Variants in KIF21A observed in about 807,000 individuals in gnomAD.
The protein encoded by KIF21A is kinesin-like protein KIF21A.
KIF21A carries 114 observed loss-of-function variants against 202.9 expected under a neutral mutation model. The observed-to-expected ratio is 0.56, with a 90% CI of 0.48 to 0.66. KIF21A has a LOEUF of 0.66. Among genes scored for constraint, KIF21A ranks in the 30% least tolerant of loss-of-function variants. The pLI is 0.00. For missense variants in KIF21A, 1,677 were observed against 1,994.9 expected (o/e 0.84, Z 3.04); for synonymous variants, 667 against 670.8 (o/e 0.99, Z 0.09).
intron 16 of KIF21A, among the ~76,000 whole-genome samples, chr12:39,337,854 T>C (rs1407947296): frequency 6.6e-6 from 1 of 152,190 alleles, no homozygotes; most frequent in Non-Finnish European, 1.5e-5. Flanking sequence ...CTACACCCGT[T>C]TGCAGTAGTG....
In KIF21A at chr12:39,354,013, T is replaced by C. The variant is rs1406140051; in HGVS notation, c.1470-2033A>G. Among the ~76,000 whole-genome samples, 4 of 152,144 alleles carry C rather than the reference T, an allele frequency of 2.6e-5. No homozygotes were observed. In the East Asian group the frequency reaches 7.7e-4, roughly 29 times the overall value. On this transcript the variant is annotated intron_variant, in intron 10 of 37. Coordinates refer to ENST00000361418, the MANE Select transcript of KIF21A (RefSeq NM_001173464.2). The stretch of plus-strand genomic sequence containing the variant: ...GGGCTTGCATGCCAGCTGTCATTCA[T>C]TGGATCTTGGACCATCAAGTCTCTA...
intron 11 of KIF21A, among the ~76,000 whole-genome samples, chr12:39,351,086 A>T (rs1272871729): frequency 6.6e-6 from 1 of 152,108 alleles, no homozygotes; most frequent in Admixed American, 6.6e-5. Context: ...TAAAGAATTT[A>T]TGAGAATTTA....
chr12:39,332,688 C>T lies in KIF21A; in HGVS notation c.2759G>A (p.Arg920His), dbSNP rs747284586. The part of the protein sequence containing the change: ...TGRVFISKTA[R>H]MKWQLLERRV... The stretch of plus-strand genomic sequence containing the variant: ...GCGCTCAAGGAGCTGCCACTTCATG[C>T]GAGCTGTCTTGGAAATAAACACTCG... Residue 920 changes from arginine (R) to histidine (H), a missense_variant, in exon 20 of 38, where the codon CGC becomes CAC. Physicochemically the swap from Arg to His is conservative, Grantham distance 29. Transcript: ENST00000361418. 26 of 1,613,842 alleles carry T rather than the reference C, an allele frequency of 1.6e-5. No homozygotes were observed. In the East Asian group the frequency reaches 2.2e-4, roughly 14 times the overall value.
At chr12:39,396,257 T>C (rs974616355) in intron 1 of KIF21A, among the ~76,000 whole-genome samples, 3 of 152,166 alleles carry the variant, frequency 2.0e-5, no homozygotes, top group African/African-American at 7.2e-5. Flanking sequence ...TGCTTTTTGG[T>C]TTGCTGGCTC....
chr12:39,382,653 T>C (rs751426302), intron 1 of KIF21A, among the ~76,000 whole-genome samples: 10 of 152,180 alleles, frequency 6.6e-5, no homozygotes, highest in Non-Finnish European at 1.0e-4. Flanking sequence ...TCTGATATCT[T>C]ACTGTCATGC....
At chr12:39,418,468 T>C (rs1953967881) in intron 1 of KIF21A, among the ~76,000 whole-genome samples, 1 of 152,230 alleles carries the variant, frequency 6.6e-6, no homozygotes, top group Admixed American at 6.5e-5. Context: ...CTTCCTAGAA[T>C]TTTCTGAGTT....
At chr12:39,380,613 C>T (rs892041702) in intron 1 of KIF21A, among the ~76,000 whole-genome samples, 1 of 151,900 alleles carries the variant, frequency 6.6e-6, no homozygotes, top group Non-Finnish European at 1.5e-5. Context: ...CCCAGCTACT[C>T]AGGAGGCTGA....
At chr12:39,415,502 C>G (rs2140120292) in intron 1 of KIF21A, among the ~76,000 whole-genome samples, 1 of 152,224 alleles carries the variant, frequency 6.6e-6, no homozygotes, top group South Asian at 2.1e-4. Flanking sequence ...GGCCTCCCAG[C>G]AGCCTCGGCC....
At chr12:39,402,781 A>T (rs916818262) in intron 1 of KIF21A, among the ~76,000 whole-genome samples, 12 of 152,160 alleles carry the variant, frequency 7.9e-5, no homozygotes, top group Non-Finnish European at 1.5e-4. Context: ...AACTATCATT[A>T]GTGTTAGCGT....
At chr12:39,367,474 G>A (rs559329133) in intron 4 of KIF21A, among the ~76,000 whole-genome samples, 3 of 152,194 alleles carry the variant, frequency 2.0e-5, no homozygotes, top group Non-Finnish European at 4.4e-5. Flanking sequence ...TTATTCAGAC[G>A]CTTCTCTATA....
intron 32 of KIF21A, among the ~76,000 whole-genome samples, chr12:39,310,598 A>G (rs1168876279): frequency 6.6e-6 from 1 of 152,066 alleles, no homozygotes; most frequent in Admixed American, 6.6e-5. Context: ...GTTTCCAAAC[A>G]TGCTCCACTT....
intron 9 of KIF21A, 130 bp downstream of exon 9, chr12:39,357,118 T>TTAAATACC: frequency 2.5e-6 from 2 of 789,362 alleles, no homozygotes; most frequent in Non-Finnish European, 4.2e-6. Flanking sequence ...GGTATTTAAC[T>TTAAATACC]TAAAACCACA....
Position 39,406,603 on chromosome 12 carries a change from C to T in KIF21A, c.44+36324G>A, listed in dbSNP as rs573296269. Among the ~76,000 whole-genome samples, 5 of 152,336 alleles carry T rather than the reference C, an allele frequency of 3.3e-5. No homozygotes were observed. In the East Asian group the frequency reaches 9.6e-4, roughly 29 times the overall value. On this transcript the variant is annotated intron_variant, in intron 1 of 37. Coordinates refer to ENST00000361418, the MANE Select transcript of KIF21A (RefSeq NM_001173464.2). ...ATTTATCATTTGCTTACTTATGTAT[C>T]CTTTTCCCTGTGTATCATCTAACTT...
At chr12:39,436,226 G>A (rs1336241490) in intron 1 of KIF21A, among the ~76,000 whole-genome samples, 1 of 151,382 alleles carries the variant, frequency 6.6e-6, no homozygotes, top group Non-Finnish European at 1.5e-5. Context: ...AGCAAAACAC[G>A]AAGTCCTAGA....
At chr12:39,331,904 C>G in intron 21 of KIF21A, 113 bp from the exon 22 acceptor site, 1 of 820,680 alleles carries the variant, frequency 1.2e-6, no homozygotes, top group South Asian at 1.4e-5. Flanking sequence ...ATGAGATGCT[C>G]AGATAAGTGC....
At chr12:39,420,154 A>C (rs1276118025) in intron 1 of KIF21A, among the ~76,000 whole-genome samples, 1 of 151,982 alleles carries the variant, frequency 6.6e-6, no homozygotes, top group East Asian at 1.9e-4. Context: ...GACGAGTCAC[A>C]GATATGTGAT....
chr12:39,307,232 A>T (rs1565662038), intron 34 of KIF21A, among the ~76,000 whole-genome samples: 1 of 152,206 alleles, frequency 6.6e-6, no homozygotes, highest in African/African-American at 2.4e-5. Flanking sequence ...TAACTCTATC[A>T]AGAGTGCTGG....
intron 1 of KIF21A, among the ~76,000 whole-genome samples, chr12:39,424,252 A>G (rs1555201322): frequency 2.6e-5 from 4 of 152,142 alleles, no homozygotes; most frequent in Admixed American, 1.3e-4. Context: ...GTCAACTTTT[A>G]GGACAACATA....
At chr12:39,317,352 C>A (rs570261484) in intron 29 of KIF21A, among the ~76,000 whole-genome samples, 1 of 152,190 alleles carries the variant, frequency 6.6e-6, no homozygotes, top group Admixed American at 6.5e-5. Flanking sequence ...AGAAAACAAT[C>A]ATTATCATTC....
Sources: gnomAD v4.1 joint callset for allele counts (sites outside exome capture counted in the v4.1 genomes callset) on GRCh38, gnomAD v4.1.1 for gene constraint, MANE v1.5 for transcripts, NCBI Gene and HGNC (gene_info 2026-07-23, HGNC 2026-07-21) for gene names.